The following CLCN5 variants were observed in gnomAD, a reference collection of about 807,000 sequenced individuals.
The protein encoded by CLCN5 is H(+)/Cl(-) exchange transporter 5.
In CLCN5, 17 loss-of-function variants were observed where a neutral mutation model predicts 54.0. The ratio of observed to expected loss-of-function variants is 0.31; its 90% CI spans 0.22 to 0.47. The LOEUF (loss-of-function observed/expected upper bound fraction) is 0.47, where lower values mean the gene tolerates loss of function less well. Ranked by LOEUF, CLCN5 falls within the 20% of genes least tolerant of loss-of-function variation. CLCN5 has a pLI of 1.00. For synonymous variants in CLCN5, 222 were observed against 233.0 expected (o/e 0.95, Z 0.43); for missense variants, 448 against 646.7 (o/e 0.69, Z 3.33).
chrX:50,079,518 C>T (rs1038236928), intron 7 of CLCN5, among the ~76,000 whole-genome samples: 2 of 112,126 alleles, frequency 1.8e-5, no homozygotes, highest in African/African-American at 6.5e-5. Flanking sequence ...TGAATCTTTC[C>T]TGCTGGTCAA....
chrX:49,985,598 T>C (rs1557178193), intron 3 of CLCN5, among the ~76,000 whole-genome samples: 1 of 112,014 alleles, frequency 8.9e-6, no homozygotes, highest in Non-Finnish European at 1.9e-5. Context: ...TTTTTTGTTT[T>C]ATAAAAAATC....
intron 3 of CLCN5, among the ~76,000 whole-genome samples, chrX:49,962,138 C>T (rs1436372909): frequency 9.0e-6 from 1 of 111,606 alleles, no homozygotes; most frequent in Non-Finnish European, 1.9e-5. Context: ...GTTCCCAGAT[C>T]TAAACATTTG....
At chrX:49,973,422 G>T (rs1328334780) in intron 3 of CLCN5, among the ~76,000 whole-genome samples, 1 of 110,120 alleles carries the variant, frequency 9.1e-6, no homozygotes, top group Non-Finnish European at 1.9e-5. Context: ...GTGCAGGTTT[G>T]TTACATATGT....
intron 3 of CLCN5, among the ~76,000 whole-genome samples, chrX:49,969,768 G>A (rs781809489): frequency 1.8e-5 from 2 of 112,027 alleles, no homozygotes; most frequent in Non-Finnish European, 3.8e-5. Context: ...TTCTAGAAAT[G>A]TCAGTAGGGT....
At chrX:50,008,016 G>C (rs973824294) in intron 3 of CLCN5, among the ~76,000 whole-genome samples, 14 of 112,092 alleles carry the variant, frequency 1.2e-4, no homozygotes, top group African/African-American at 4.5e-4. Context: ...CTGAGAACTT[G>C]TTAGAAATGC....
intron 3 of CLCN5, among the ~76,000 whole-genome samples, chrX:49,948,877 G>A (rs1926891377): frequency 8.9e-6 from 1 of 112,454 alleles, no homozygotes; most frequent in African/African-American, 3.2e-5. Context: ...CAAAATCACT[G>A]TTCATGTGAA....
chrX:50,065,662 G>T (rs1263578153), intron 4 of CLCN5, among the ~76,000 whole-genome samples: 2 of 96,584 alleles, frequency 2.1e-5, no homozygotes, highest in Non-Finnish European at 4.1e-5. Context: ...CCATTACTGG[G>T]TATATACCCA....
chrX:50,092,133 T>C lies in CLCN5; in HGVS notation c.2365T>C (p.Leu789=). The change falls in exon 15 of 15, where the codon TTG becomes CTG. Residue 789 remains leucine, a synonymous_variant. Transcript: ENST00000376091. ...RQCLVTHNGR[L]LGIITKKDVL... is the part of the protein sequence containing the mutation. ...TGTATTGTGTTTGTCTTTTAGGCGA[T>C]TGCTTGGAATCATTACCAAAAAGGA... The C allele has an allele frequency of 8.3e-7, 1 of 1,198,883 alleles. No homozygotes were observed. Among genetic ancestry groups the C allele is most frequent in the Non-Finnish European group, 1.1e-6 (1 of 883,680 alleles).
intron 3 of CLCN5, among the ~76,000 whole-genome samples, chrX:50,008,244 G>A (rs1557181810): frequency 8.9e-6 from 1 of 112,071 alleles, no homozygotes; most frequent in Non-Finnish European, 1.9e-5. Flanking sequence ...TCTCCTCCCA[G>A]TCTCTTTATA....
chrX:50,065,772 A>G (rs1428186915), intron 4 of CLCN5, among the ~76,000 whole-genome samples: 1 of 104,730 alleles, frequency 9.5e-6, no homozygotes, highest in Non-Finnish European at 1.9e-5. Flanking sequence ...CAAATGTCCA[A>G]CAATGATAGA....
chrX:50,053,782 T>C (rs932062388), intron 4 of CLCN5, among the ~76,000 whole-genome samples: 1 of 112,096 alleles, frequency 8.9e-6, no homozygotes, highest in South Asian at 3.7e-4. Flanking sequence ...TTTGGAAATA[T>C]GTTGTTTAAT....
In CLCN5 at chrX:50,092,282, C is replaced by G; in HGVS notation, c.*63C>G. 1 of 779,937 alleles carries G rather than the reference C, an allele frequency of 1.3e-6. No individual in the cohort carries two copies. Among genetic ancestry groups the G allele is most frequent in the Non-Finnish European group, 2.0e-6 (1 of 505,628 alleles). 64.3% of individuals were successfully genotyped at this position (779,937 alleles called of 1,213,427 possible). On this transcript the variant is annotated 3_prime_UTR_variant, in exon 15 of 15. Coordinates refer to ENST00000376091, the MANE Select transcript of CLCN5 (RefSeq NM_001127898.4). ...ACAGACCATGGATATGTTGTATTAA[C>G]TGGGTACCCAAAACACATTTTCCAT...
intron 4 of CLCN5, among the ~76,000 whole-genome samples, chrX:50,052,973 C>A (rs1932637752): frequency 9.0e-6 from 1 of 111,526 alleles, no homozygotes; most frequent in African/African-American, 3.2e-5. Flanking sequence ...GTTGTTTAAG[C>A]TTTGTGTATT....
At chrX:50,028,857 G>T (rs1931546789) in intron 3 of CLCN5, among the ~76,000 whole-genome samples, 2 of 112,066 alleles carry the variant, frequency 1.8e-5, no homozygotes, top group African/African-American at 6.5e-5. Flanking sequence ...GATGCAAGAA[G>T]TTATTTCTTT....
chrX:49,969,540 T>G (rs189213165), intron 3 of CLCN5, among the ~76,000 whole-genome samples: 16 of 112,815 alleles, frequency 1.4e-4, no homozygotes, highest in Admixed American at 1.3e-3. Flanking sequence ...TTAAGAAGCA[T>G]GTTAATGGCT....
intron 3 of CLCN5, among the ~76,000 whole-genome samples, chrX:50,032,836 G>C (rs1931782844): frequency 9.1e-6 from 1 of 109,661 alleles, no homozygotes; most frequent in Admixed American, 9.6e-5. Context: ...TTTTCTTCTA[G>C]GGTTTTTATG....
intron 3 of CLCN5, among the ~76,000 whole-genome samples, chrX:50,032,283 A>G (rs1931744371): frequency 9.0e-6 from 1 of 111,716 alleles, no homozygotes; most frequent in African/African-American, 3.3e-5. Flanking sequence ...TAGATTCCTG[A>G]GGAATCGCCA....
At chrX:49,935,031 C>T (rs928227973) in intron 3 of CLCN5, among the ~76,000 whole-genome samples, 7 of 111,760 alleles carry the variant, frequency 6.3e-5, no homozygotes, top group African/African-American at 9.8e-5. Context: ...AAGAGAGTTC[C>T]TGCCATCCAA....
intron 5 of CLCN5, among the ~76,000 whole-genome samples, chrX:50,072,063 ACAGCC>A (rs2147549216): frequency 8.9e-6 from 1 of 112,035 alleles, no homozygotes; most frequent in East Asian, 2.8e-4. Context: ...GACCTGAACC[ACAGCC>A]CCCAGGTAGT....
Sources: gnomAD v4.1 joint callset for allele counts (sites outside exome capture counted in the v4.1 genomes callset) on GRCh38, gnomAD v4.1.1 for gene constraint, MANE v1.5 for transcripts, NCBI Gene and HGNC (gene_info 2026-07-23, HGNC 2026-07-21) for gene names.